MIPOL1: variants seen among roughly 807,000 people sequenced by gnomAD.
MIPOL1 encodes mirror-image polydactyly 1.
Under a neutral mutation model 60.9 loss-of-function variants are expected in MIPOL1, and 57 were observed. That is an observed-to-expected ratio of 0.94 (90% CI 0.76 to 1.17). The LOEUF is 1.17. Among genes scored for constraint, MIPOL1 ranks in the 50% most tolerant of loss-of-function variants. MIPOL1 has a pLI of 0.00. For missense variants in MIPOL1, 551 were observed against 511.6 expected (o/e 1.08, Z -0.74); for synonymous variants, 179 against 168.8 (o/e 1.06, Z -0.47).
chr14:37,489,902 T>A (rs555051481), intron 11 of MIPOL1, among the ~76,000 whole-genome samples: 21 of 152,054 alleles, frequency 1.4e-4, no homozygotes, highest in African/African-American at 5.1e-4. Context: ...TACTTGGAGG[T>A]GTCTCCAAGT....
intron 10 of MIPOL1, among the ~76,000 whole-genome samples, chr14:37,419,853 G>A (rs1169941354): frequency 6.6e-6 from 1 of 151,758 alleles, no homozygotes. Flanking sequence ...CAATCCTCCT[G>A]CCTCAGCCTT....
chr14:37,274,519 G>C (rs894789736), intron 6 of MIPOL1, among the ~76,000 whole-genome samples: 1 of 151,338 alleles, frequency 6.6e-6, no homozygotes, highest in Non-Finnish European at 1.5e-5. Context: ...TATGTTCTAG[G>C]CACTGTGTTA....
intron 11 of MIPOL1, among the ~76,000 whole-genome samples, chr14:37,425,193 T>C (rs2093940406): frequency 6.6e-6 from 1 of 152,172 alleles, no homozygotes; most frequent in Non-Finnish European, 1.5e-5. Context: ...CAGTAGGTGC[T>C]CTGTTGATGA....
chr14:37,362,332 T>C (rs375822238), intron 9 of MIPOL1, among the ~76,000 whole-genome samples: 1 of 152,170 alleles, frequency 6.6e-6, no homozygotes, highest in African/African-American at 2.4e-5. Context: ...CAGCATTTGG[T>C]TGTCTGTAAA....
intron 9 of MIPOL1, among the ~76,000 whole-genome samples, chr14:37,360,362 C>T (rs1351106119): frequency 1.3e-5 from 2 of 152,132 alleles, no homozygotes; most frequent in South Asian, 2.1e-4. Context: ...TTCCCTCTTT[C>T]TCTATTGATT....
At chr14:37,350,170 C>G (rs2087878801) in intron 9 of MIPOL1, among the ~76,000 whole-genome samples, 1 of 152,180 alleles carries the variant, frequency 6.6e-6, no homozygotes, top group Admixed American at 6.5e-5. Flanking sequence ...TTCCTGAACT[C>G]AAGTAATCCT....
chr14:37,227,142 G>A (rs926223516), intron 1 of MIPOL1, among the ~76,000 whole-genome samples: 1 of 152,128 alleles, frequency 6.6e-6, no homozygotes, highest in Admixed American at 6.6e-5. Context: ...TACGGTTCTG[G>A]AGGTCAGTAA....
At chr14:37,245,392 GAAT>G (rs1338634731) in intron 1 of MIPOL1, among the ~76,000 whole-genome samples, 1 of 152,076 alleles carries the variant, frequency 6.6e-6, no homozygotes. Flanking sequence ...ATTTTTACAT[GAAT>G]AATAAGTACT....
chr14:37,257,500 A>T (rs1307281757), intron 3 of MIPOL1, among the ~76,000 whole-genome samples: 1 of 152,154 alleles, frequency 6.6e-6, no homozygotes, highest in African/African-American at 2.4e-5. Flanking sequence ...CAACACCTAG[A>T]TAATTTATAA....
At chr14:37,449,948 G>T (rs1384703805) in intron 11 of MIPOL1, among the ~76,000 whole-genome samples, 1 of 152,080 alleles carries the variant, frequency 6.6e-6, no homozygotes, top group African/African-American at 2.4e-5. Context: ...GAGTAGCTGA[G>T]ACTACAGGTG....
At chr14:37,379,292 C>T (rs2092862652) in intron 10 of MIPOL1, among the ~76,000 whole-genome samples, 1 of 152,012 alleles carries the variant, frequency 6.6e-6, no homozygotes, top group South Asian at 2.1e-4. Flanking sequence ...CATACCTCAT[C>T]ATACAACATA....
At chr14:37,535,672 A>G (rs2095502947) in intron 12 of MIPOL1, among the ~76,000 whole-genome samples, 1 of 152,238 alleles carries the variant, frequency 6.6e-6, no homozygotes, top group Non-Finnish European at 1.5e-5. Flanking sequence ...AAGACTTCAT[A>G]TGATATATAT....
intron 10 of MIPOL1, among the ~76,000 whole-genome samples, chr14:37,419,920 T>C (rs1022821338): frequency 1.3e-5 from 2 of 151,948 alleles, no homozygotes; most frequent in Non-Finnish European, 2.9e-5. Flanking sequence ...TTAAAAATTT[T>C]TGTGGAGATG....
chr14:37,458,629 GC>G (rs1470788286), intron 11 of MIPOL1, among the ~76,000 whole-genome samples: 4 of 151,804 alleles, frequency 2.6e-5, no homozygotes, highest in Admixed American at 1.3e-4. Flanking sequence ...GACCAGCCTG[GC>G]AAACATGGGG....
intron 12 of MIPOL1, among the ~76,000 whole-genome samples, chr14:37,534,197 A>G (rs771448250): frequency 1.3e-5 from 2 of 152,162 alleles, no homozygotes; most frequent in Non-Finnish European, 2.9e-5. Context: ...TGATACAGAA[A>G]GGCTAACCTT....
intron 9 of MIPOL1, among the ~76,000 whole-genome samples, chr14:37,341,085 A>G (rs2090536537): frequency 6.6e-6 from 1 of 152,216 alleles, no homozygotes; most frequent in African/African-American, 2.4e-5. Flanking sequence ...GTATAAGTAC[A>G]TGCCATGTTT....
intron 6 of MIPOL1, among the ~76,000 whole-genome samples, chr14:37,270,930 A>G (rs565710137): frequency 1.3e-4 from 20 of 152,214 alleles, no homozygotes; most frequent in Admixed American, 9.8e-4. Context: ...AGATAGTCAC[A>G]TATTCATTGC....
At chr14:37,401,356 C>T (rs937251908) in intron 10 of MIPOL1, 2 of 151,940 alleles carry the variant, frequency 1.3e-5, no homozygotes, top group African/African-American at 2.4e-5. Context: ...CATCTTTGCT[C>T]GTGTAAATTT....
chr14:37,406,584 A>C (rs1424484465), intron 10 of MIPOL1, among the ~76,000 whole-genome samples: 1 of 152,130 alleles, frequency 6.6e-6, no homozygotes, highest in Admixed American at 6.6e-5. Context: ...CAGAGAGCTT[A>C]GTGAAAGGAA....
Sources: allele counts gnomAD v4.1 joint callset (sites outside exome capture counted in the v4.1 genomes callset), GRCh38; gene constraint gnomAD v4.1.1; transcripts MANE v1.5; gene names NCBI Gene and HGNC (gene_info 2026-07-23, HGNC 2026-07-21).